FRY: variants seen among roughly 807,000 people sequenced by gnomAD.
FRY encodes FRY microtubule binding protein.
Under a neutral mutation model 348.4 loss-of-function variants are expected in FRY, and 128 were observed. That is an observed-to-expected ratio of 0.37 (90% CI 0.32 to 0.43). The LOEUF (loss-of-function observed/expected upper bound fraction) is 0.43. Among genes scored for constraint, FRY ranks in the 20% least tolerant of loss-of-function variants. The pLI, the probability that FRY is intolerant of heterozygous loss-of-function variation, is 1.00. For missense variants in FRY, 2,736 were observed against 3,695.2 expected (o/e 0.74, Z 6.73); for synonymous variants, 1,370 against 1,374.7 (o/e 1.00, Z 0.08).
intron 17 of FRY, among the ~76,000 whole-genome samples, chr13:32,161,509 T>C (rs1447808736): frequency 6.6e-6 from 1 of 152,128 alleles, no homozygotes; most frequent in Non-Finnish European, 1.5e-5. Context: ...CACAAAAATA[T>C]ACAATACATG....
intron 31 of FRY, among the ~76,000 whole-genome samples, chr13:32,205,159 TG>T (rs1884279225): frequency 7.4e-6 from 1 of 135,576 alleles, no homozygotes; most frequent in African/African-American, 2.8e-5. Context: ...GCCGAGATTG[TG>T]CTACTGCACT....
At chr13:32,149,085 T>TTA (rs1324901521) in intron 13 of FRY, among the ~76,000 whole-genome samples, 1 of 148,236 alleles carries the variant, frequency 6.7e-6, no homozygotes, top group Admixed American at 6.8e-5. Flanking sequence ...TATATAAAAA[T>TTA]TATATATATT....
chr13:32,116,008 A>G (rs1878281990), intron 3 of FRY, among the ~76,000 whole-genome samples: 1 of 152,076 alleles, frequency 6.6e-6, no homozygotes, highest in African/African-American at 2.4e-5. Flanking sequence ...ATATGATTTT[A>G]ATGGTTTCAA....
At chr13:32,177,597 A>AAATAAATC (rs1882444333) in intron 20 of FRY, among the ~76,000 whole-genome samples, 2 of 149,826 alleles carry the variant, frequency 1.3e-5, no homozygotes, top group Admixed American at 1.3e-4. Flanking sequence ...CTGTCTCGAT[A>AAATAAATC]AATAAATAAA....
At chr13:32,185,356 T>C (rs1033590563) in intron 26 of FRY, among the ~76,000 whole-genome samples, 38 of 152,340 alleles carry the variant, frequency 2.5e-4, no homozygotes, top group African/African-American at 8.9e-4. Context: ...AGTATTAAAT[T>C]TGGCTTTGTG....
intron 3 of FRY, among the ~76,000 whole-genome samples, chr13:32,111,756 A>G (rs1877981459): frequency 6.6e-6 from 1 of 152,034 alleles, no homozygotes; most frequent in Non-Finnish European, 1.5e-5. Context: ...TTATATTTGG[A>G]CTCAACACTT....
intron 24 of FRY, 143 bp from the exon 25 acceptor site, chr13:32,184,457 G>C (rs1276440675): frequency 4.5e-6 from 3 of 664,860 alleles, no homozygotes; most frequent in Non-Finnish European, 8.1e-6. Flanking sequence ...CTGAGGATTA[G>C]GAAGAAAGAA....
Position 32,298,746 on chromosome 13 carries a change from AAC to A in FRY, c.*3290_*3291del, listed in dbSNP as rs2072101934. On this transcript the variant is annotated 3_prime_UTR_variant, in exon 61 of 61. Transcript: ENST00000542859. ...AAAAGAGCATTCCAGCAAAGGAAAAAACACATGCAGAGACCCTGAAGGAGAAG... is the reference window on the plus strand; with the variant it reads ...AAAAGAGCATTCCAGCAAAGGAAAAAACATGCAGAGACCCTGAAGGAGAAG... 1 of 152,324 alleles carries A rather than the reference AAC, an allele frequency of 6.6e-6. No individual in the cohort carries two copies. The highest frequency in any genetic ancestry group is 1.5e-5 in the Non-Finnish European group (1 of 68,088). The allele number at this position is 152,324 out of a possible 1,614,324, so 9.4% of individuals were successfully genotyped here.
At chr13:32,244,763 C>T (rs1886691933) in intron 47 of FRY, among the ~76,000 whole-genome samples, 1 of 152,184 alleles carries the variant, frequency 6.6e-6, no homozygotes, top group East Asian at 1.9e-4. Context: ...ACTAGTCTCT[C>T]GGTTTCTGTG....
chr13:32,096,019 C>T (rs1876680209), intron 2 of FRY, among the ~76,000 whole-genome samples: 1 of 146,908 alleles, frequency 6.8e-6, no homozygotes, highest in Admixed American at 6.9e-5. Context: ...TCCTTTTTTC[C>T]TCCCTTCCCT....
chr13:32,173,906 A>G (rs1172514332), intron 19 of FRY, among the ~76,000 whole-genome samples: 1 of 152,274 alleles, frequency 6.6e-6, no homozygotes, highest in Non-Finnish European at 1.5e-5. Context: ...GAAAAATCAT[A>G]TATCTCATTT....
At chr13:32,109,642 G>GT (rs1356026591) in intron 3 of FRY, among the ~76,000 whole-genome samples, 1 of 152,148 alleles carries the variant, frequency 6.6e-6, no homozygotes, top group African/African-American at 2.4e-5. Context: ...ATTGCAGTGG[G>GT]TAGTAGGAGC....
intron 11 of FRY, among the ~76,000 whole-genome samples, chr13:32,142,631 GATATTT>G (rs1221102053): frequency 6.6e-6 from 1 of 152,106 alleles, no homozygotes; most frequent in African/African-American, 2.4e-5. Flanking sequence ...ACAAGTGCAA[GATATTT>G]ATTACTGTCA....
rs370549222 is a variant in FRY, at chr13:32,239,775, C to T, written c.6581C>T (p.Thr2194Met). 6.0e-5 allele frequency: 97 copies of T among 1,613,450 alleles called. No individual in the cohort carries two copies. Among genetic ancestry groups the T allele is most frequent in the Non-Finnish European group, 7.3e-5 (86 of 1,179,506 alleles). ...GCACATGTCATGACTCTTTATAAAA[C>T]GCACAGCTACACGAGGGACTGTGCC... ...NLAHVMTLYK[T>M]HSYTRDCATW... Residue 2194 changes from threonine to methionine, a missense_variant, in exon 46 of 61, where the codon ACG (threonine) becomes ATG (methionine). Physicochemically the swap from Thr to Met is moderately conservative, Grantham distance 81. Transcript: ENST00000542859. The surrounding 1 kb of genome is among the most constrained non-coding windows in gnomAD (Gnocchi z 4.3).
chr13:32,211,535 G>C (rs77505308), intron 34 of FRY, among the ~76,000 whole-genome samples: 3 of 152,152 alleles, frequency 2.0e-5, no homozygotes, highest in Admixed American at 6.5e-5. Flanking sequence ...CTGAGAATCT[G>C]TGGCTCAAGC....
chr13:32,120,290 A>G (rs572325030), intron 4 of FRY, among the ~76,000 whole-genome samples: 1 of 152,086 alleles, frequency 6.6e-6, no homozygotes, highest in African/African-American at 2.4e-5. Flanking sequence ...ACTGTTCCAC[A>G]CCAGAGTCAG....
intron 1 of FRY, among the ~76,000 whole-genome samples, chr13:32,044,094 G>T (rs1593555164): frequency 6.6e-6 from 1 of 152,170 alleles, no homozygotes; most frequent in South Asian, 2.1e-4. Context: ...GAATATGTAG[G>T]TCTATTGAAT....
At chr13:32,157,836 G>A (rs79650720) in intron 16 of FRY, among the ~76,000 whole-genome samples, 12,141 of 152,232 alleles carry the variant, frequency 0.08, 633 homozygotes, top group Middle Eastern at 0.13. Context: ...GAAAGCATGC[G>A]TAGCTTCAAA....
At chr13:32,158,951 CAAAAAAAAAAAAA>C (rs35585320) in intron 16 of FRY, among the ~76,000 whole-genome samples, 1 of 32,772 alleles carries the variant, frequency 3.1e-5, no homozygotes, top group Non-Finnish European at 5.7e-5. Context: ...GCTGTTTCCT[CAAAAAAAAAAAAA>C]AAAAAAAAAA....
Sources: gnomAD v4.1 joint callset for allele counts (sites outside exome capture counted in the v4.1 genomes callset) on GRCh38, gnomAD v4.1.1 for gene constraint, Gnocchi (gnomAD v3.1) non-coding constraint, MANE v1.5 for transcripts, NCBI Gene and HGNC (gene_info 2026-07-23, HGNC 2026-07-21) for gene names.